ASAP2: variants seen among roughly 807,000 people sequenced by gnomAD.
ASAP2 encodes the protein ArfGAP with SH3 domain, ankyrin repeat and PH domain 2, also known as arf-GAP with SH3 domain, ANK repeat and PH domain-containing protein 2.
In ASAP2, 45 loss-of-function variants were observed where a neutral mutation model predicts 131.4. The ratio of observed to expected loss-of-function variants is 0.34; its 90% CI spans 0.27 to 0.44. The LOEUF is 0.44. Among genes scored for constraint, ASAP2 ranks in the 20% least tolerant of loss-of-function variants. ASAP2 has a pLI of 1.00. For missense variants in ASAP2, 1,011 were observed against 1,297.0 expected, an observed-to-expected ratio of 0.78 and a Z score of 3.39; for synonymous variants, 510 against 503.0, an observed-to-expected ratio of 1.01 and a Z score of -0.19.
chr2:9,225,402 G>A (rs1662686894), intron 1 of ASAP2, among the ~76,000 whole-genome samples: 1 of 152,172 alleles, frequency 6.6e-6, no homozygotes, highest in South Asian at 2.1e-4. Flanking sequence ...GCTTGGTATG[G>A]TGACCCAGGG....
chr2:9,244,407 TAAGTGGATGTTAATCTAAGCA>T (rs759466388), intron 1 of ASAP2, among the ~76,000 whole-genome samples: 6 of 152,186 alleles, frequency 3.9e-5, no homozygotes, highest in Non-Finnish European at 7.3e-5. Flanking sequence ...TTTGGAAGAT[TAAGTGGATGTTAATCTAAGCA>T]AAGTGGATTC....
Position 9,403,318 on chromosome 2 carries a change from C to T in ASAP2, c.3012C>T (p.Ile1004=), listed in dbSNP as rs34527258. Residue 1004 remains isoleucine, a synonymous_variant, in exon 28 of 28, where the codon ATC becomes ATT. Transcript: ENST00000281419. ...GAFPVSFVHF[I]AD is the part of the protein sequence containing the mutation. ...TCCCGGTGTCATTTGTGCACTTTAT[C>T]GCTGACTGAATTGCTACTGAACAAA... The T allele has an allele frequency of 2.4e-4, 383 of 1,614,010 alleles. No homozygotes were observed. The African/African-American group carries it at 4.0e-3, about 17-fold the overall frequency.
chr2:9,400,742 T>A lies in ASAP2; in HGVS notation c.2735T>A (p.Val912Glu). 6.2e-7 allele frequency: 1 copy of A among 1,613,252 alleles called. No individual in the cohort carries two copies. Among genetic ancestry groups the A allele is most frequent in the Non-Finnish European group, 8.5e-7 (1 of 1,179,516 alleles). The stretch of plus-strand genomic sequence containing the variant: ...AAGCTGCTTCATTTTTGCCCTACAG[T>A]GGATCTCTCTGCAACGGAAGCTCTG... ...LTNKGQPRGPVDLSATEALGP... is the reference protein window; with the variant it reads ...LTNKGQPRGPEDLSATEALGP... Residue 912 changes from valine to glutamate, a missense_variant and splice_region_variant, in exon 26 of 28, where the codon GTG becomes GAG. Physicochemically the swap from Val to Glu is moderately radical, Grantham distance 121. Around this residue, in one of 2 missense-constraint regions of ASAP2, gnomAD observed 652 missense variants for 698.9 expected, o/e 0.93. Coordinates refer to ENST00000281419, the MANE Select transcript of ASAP2 (RefSeq NM_003887.3).
intron 1 of ASAP2, among the ~76,000 whole-genome samples, chr2:9,242,213 CG>C (rs1664022945): frequency 6.6e-6 from 1 of 152,084 alleles, no homozygotes; most frequent in Non-Finnish European, 1.5e-5. Flanking sequence ...ATCTTAGGGG[CG>C]CATGCTTTGG....
In ASAP2 at chr2:9,380,782, C is replaced by T. The variant is rs201862499; in HGVS notation, c.1990C>T (p.Leu664Phe). ...GETPLDIAKR[L>F]KHEHCEELLT... is the part of the protein sequence containing the mutation. ...GACTCCGCTGGACATTGCCAAGCGCCTCAAGCACGAGCACTGTGAGGAGCT... is the reference window on the plus strand; with the variant it reads ...GACTCCGCTGGACATTGCCAAGCGCTTCAAGCACGAGCACTGTGAGGAGCT... Residue 664 changes from leucine (L) to phenylalanine (F), a missense_variant, in exon 20 of 28, where the codon CTC (leucine) becomes TTC (phenylalanine). This residue lies in a region of ASAP2 where 652 missense variants were observed against 698.9 expected (regional missense o/e 0.93). Coordinates refer to ENST00000281419, the MANE Select transcript of ASAP2 (RefSeq NM_003887.3). 5 of 1,614,168 alleles carry T rather than the reference C, an allele frequency of 3.1e-6. No homozygotes were observed. The African/African-American group carries it at 4.0e-5, about 13-fold the overall frequency.
At chr2:9,295,036 T>C (rs1668068627) in intron 2 of ASAP2, among the ~76,000 whole-genome samples, 1 of 152,218 alleles carries the variant, frequency 6.6e-6, no homozygotes, top group South Asian at 2.1e-4. Flanking sequence ...TTAAAAATAG[T>C]ATGTGGTTTG....
intron 1 of ASAP2, among the ~76,000 whole-genome samples, chr2:9,236,007 A>G (rs922041838): frequency 6.6e-6 from 1 of 152,136 alleles, no homozygotes. Context: ...CCAGGATGCT[A>G]CTACACATCC....
At chr2:9,396,963 C>T (rs10193503) in intron 24 of ASAP2, among the ~76,000 whole-genome samples, 24,190 of 152,194 alleles carry the variant, frequency 0.16, 2,505 homozygotes, top group African/African-American at 0.29. Flanking sequence ...GATCACACCA[C>T]TGCACTCCAG....
At chr2:9,238,216 T>C (rs902162165) in intron 1 of ASAP2, among the ~76,000 whole-genome samples, 1 of 152,340 alleles carries the variant, frequency 6.6e-6, no homozygotes, top group East Asian at 1.9e-4. Flanking sequence ...GCTGGTTCCT[T>C]GTATTTGTTC....
At chr2:9,312,482 G>A (rs540420243) in intron 3 of ASAP2, among the ~76,000 whole-genome samples, 3 of 152,110 alleles carry the variant, frequency 2.0e-5, no homozygotes, top group Admixed American at 2.0e-4. Flanking sequence ...ACCTCACGAT[G>A]CCCCATCTTT....
chr2:9,229,031 C>T (rs575916918), intron 1 of ASAP2, among the ~76,000 whole-genome samples: 4 of 152,156 alleles, frequency 2.6e-5, no homozygotes, highest in East Asian at 3.9e-4. Context: ...CTTGTTACCA[C>T]GTAGGGATCT....
At chr2:9,382,252 G>A (rs183971999) in intron 20 of ASAP2, among the ~76,000 whole-genome samples, 2 of 152,288 alleles carry the variant, frequency 1.3e-5, no homozygotes, top group Middle Eastern at 3.4e-3. Context: ...CCAAAGTGCT[G>A]GGATTATAGG....
chr2:9,377,178 C>T (rs1382524688), intron 18 of ASAP2, among the ~76,000 whole-genome samples, 185 bp downstream of exon 18: 1 of 152,172 alleles, frequency 6.6e-6, no homozygotes. Context: ...TAAAAAAGCA[C>T]TAGAAACTCT....
chr2:9,342,779 C>G (rs1485225618), intron 9 of ASAP2, among the ~76,000 whole-genome samples: 1 of 152,230 alleles, frequency 6.6e-6, no homozygotes, highest in East Asian at 1.9e-4. Flanking sequence ...TTGTCCACCC[C>G]TGGGCCTTAC....
chr2:9,286,584 A>G (rs1038043992), intron 2 of ASAP2, among the ~76,000 whole-genome samples: 2 of 152,180 alleles, frequency 1.3e-5, no homozygotes, highest in Admixed American at 6.5e-5. Context: ...ACATGCACGC[A>G]GAGTTTCTGG....
chr2:9,283,999 G>C (rs1012610922), intron 2 of ASAP2, among the ~76,000 whole-genome samples: 2 of 152,210 alleles, frequency 1.3e-5, no homozygotes, highest in Non-Finnish European at 2.9e-5. Flanking sequence ...CAGTCCCATA[G>C]CAAACACTGA....
At chr2:9,385,085 G>A (rs1190245713) in intron 20 of ASAP2, among the ~76,000 whole-genome samples, 160 bp from the exon 21 acceptor site, 1 of 152,256 alleles carries the variant, frequency 6.6e-6, no homozygotes, top group Non-Finnish European at 1.5e-5. Flanking sequence ...AGGTTACGCT[G>A]TGAAGTAGGC....
chr2:9,317,640 A>G (rs1572436145), intron 3 of ASAP2, among the ~76,000 whole-genome samples: 1 of 150,610 alleles, frequency 6.6e-6, no homozygotes, highest in East Asian at 2.0e-4. Flanking sequence ...ACACCCATAC[A>G]CACATTTACA....
At chr2:9,253,852 C>G (rs934386404) in intron 1 of ASAP2, among the ~76,000 whole-genome samples, 5 of 151,844 alleles carry the variant, frequency 3.3e-5, no homozygotes, top group Admixed American at 2.6e-4. Context: ...ATCCCAGGTC[C>G]GAAAATAGTA....
Sources: gnomAD v4.1 joint callset for allele counts (sites outside exome capture counted in the v4.1 genomes callset) on GRCh38, gnomAD v4.1.1 for gene constraint, gnomAD v4.1.1 regional missense constraint, MANE v1.5 for transcripts, NCBI Gene and HGNC (gene_info 2026-07-23, HGNC 2026-07-21) for gene names.